The following THAP4 variants were observed in gnomAD, a reference collection of about 807,000 sequenced individuals.
THAP4 encodes the protein THAP domain containing 4, also known as peroxynitrite isomerase THAP4.
In THAP4, 18 loss-of-function variants were observed where a neutral mutation model predicts 48.1. The ratio of observed to expected loss-of-function variants is 0.37; its 90% CI spans 0.26 to 0.56. THAP4 has a LOEUF of 0.56. THAP4 is among the 20% of genes least tolerant of loss of function. The pLI is 0.78. For missense variants in THAP4, 656 were observed against 774.9 expected, an observed-to-expected ratio of 0.85 and a Z score of 1.82; for synonymous variants, 345 against 324.9, an observed-to-expected ratio of 1.06 and a Z score of -0.66.
chr2:241,606,310 T>C lies in THAP4; in HGVS notation c.1400+4A>G. On this transcript the variant is annotated splice_donor_region_variant and intron_variant, in intron 3 of 5. Coordinates refer to ENST00000407315, the MANE Select transcript of THAP4 (RefSeq NM_015963.6). ...GCAGGGTGGGGTGGAGGGAGACAAC[T>C]TACGAGAAGTTCAGCATGGGCTGGC... 2 of 1,550,024 alleles carry C rather than the reference T, an allele frequency of 1.3e-6. No homozygotes were observed. The highest frequency in any genetic ancestry group is 1.7e-6 in the Non-Finnish European group (2 of 1,145,340).
intron 2 of THAP4, among the ~76,000 whole-genome samples, chr2:241,627,144 G>C (rs1317134706): frequency 6.6e-6 from 1 of 152,110 alleles, no homozygotes; most frequent in Non-Finnish European, 1.5e-5. Context: ...CATTAGTGTG[G>C]GTATGTGTGT....
intron 2 of THAP4, among the ~76,000 whole-genome samples, chr2:241,622,695 G>T (rs1300015194): frequency 1.3e-5 from 2 of 152,154 alleles, no homozygotes; most frequent in African/African-American, 4.8e-5. Context: ...AACCTCCGGG[G>T]CTCAAGCGAT....
rs2067594984 is a variant in THAP4, at chr2:241,633,445, A to G, written c.712T>C (p.Tyr238His). 1 of 1,613,668 alleles carries G rather than the reference A, an allele frequency of 6.2e-7. No individual in the cohort carries two copies. The highest frequency in any genetic ancestry group is 1.3e-5 in the African/African-American group (1 of 74,800). Residue 238 changes from tyrosine to histidine, a missense_variant, in exon 2 of 6, where the codon TAC becomes CAC. Physicochemically the swap from Tyr to His is moderately conservative, Grantham distance 83. This residue lies in a region of THAP4 where 391 missense variants were observed against 412.4 expected (regional missense o/e 0.95). Coordinates refer to ENST00000407315, the MANE Select transcript of THAP4 (RefSeq NM_015963.6). This position sits in a 1 kb window ranked among gnomAD's most constrained non-coding sequence, Gnocchi z 7.5. ...ACKFIGSLHS[Y>H]SFSSKHTRER... ...CGGGTGTGCTTAGAGGAGAAACTGT[A>G]CGAATGAAGTGAGCCGATAAATTTG...
At chr2:241,600,455 C>T (rs938413384) in intron 5 of THAP4, among the ~76,000 whole-genome samples, 9 of 152,042 alleles carry the variant, frequency 5.9e-5, no homozygotes, top group African/African-American at 1.9e-4. Context: ...AGGCTGGGCG[C>T]GGTGGCTCAC....
intron 2 of THAP4, among the ~76,000 whole-genome samples, chr2:241,621,578 A>G (rs1021250191): frequency 2.0e-5 from 3 of 152,214 alleles, no homozygotes; most frequent in African/African-American, 4.8e-5. Flanking sequence ...AGATATGTCA[A>G]TAGAAACTTC....
rs956052962 is a variant in THAP4 at position 241,612,140 on chromosome 2, C to T, written c.1241-5667G>A. 2.6e-5 allele frequency among the ~76,000 whole-genome samples: 4 copies of T among 151,126 alleles called. No individual in the cohort carries two copies. Among genetic ancestry groups the T allele is most frequent in the Admixed American group, 6.6e-5 (1 of 15,158 alleles). ...AGGTGAAACATGACCTGGCAGAAGT[C>T]GAGAAAGTAAAAGAAAAAAAATCAA... On this transcript the variant is annotated intron_variant, in intron 2 of 5. Coordinates refer to ENST00000407315, the MANE Select transcript of THAP4 (RefSeq NM_015963.6). The surrounding 1 kb of genome is among the most constrained non-coding windows in gnomAD (Gnocchi z 4.1).
intron 2 of THAP4, among the ~76,000 whole-genome samples, chr2:241,608,865 G>A (rs1195671484): frequency 2.0e-5 from 3 of 152,240 alleles, no homozygotes; most frequent in East Asian, 1.9e-4. Flanking sequence ...GCACAGACCA[G>A]GCAGGGGATC....
Position 241,637,026 on chromosome 2 carries a change from T to C in THAP4, c.-9A>G. On this transcript the variant is annotated 5_prime_UTR_variant, in exon 1 of 6. Transcript: ENST00000407315. Reference sequence around the variant, plus strand: ...GCACAGCAGATCACCATCGCGGGCCTTGGCCCAGCCGCGCAGCCAGGCCCC... The same window carrying C: ...GCACAGCAGATCACCATCGCGGGCCCTGGCCCAGCCGCGCAGCCAGGCCCC... 7.9e-7 allele frequency: 1 copy of C among 1,260,346 alleles called. No homozygotes were observed. Among genetic ancestry groups the C allele is most frequent in the Non-Finnish European group, 1.0e-6 (1 of 978,004 alleles). The allele number at this position is 1,260,346 out of a possible 1,614,324, so 78.1% of individuals were successfully genotyped here.
intron 5 of THAP4, among the ~76,000 whole-genome samples, chr2:241,590,233 C>T (rs1340904039): frequency 4.8e-5 from 7 of 147,074 alleles, no homozygotes; most frequent in African/African-American, 1.8e-4. Context: ...TGATAATGGG[C>T]ACTAGGACAC....
intron 2 of THAP4, among the ~76,000 whole-genome samples, chr2:241,619,375 G>A (rs147554326): frequency 1.3e-5 from 2 of 152,328 alleles, no homozygotes; most frequent in African/African-American, 4.8e-5. Context: ...TGACAAACAC[G>A]TCATGAGGCA....
chr2:241,602,149 C>A, intron 4 of THAP4, 150 bp from the exon 5 acceptor site: 2 of 714,136 alleles, frequency 2.8e-6, no homozygotes, highest in Admixed American at 2.7e-5. Context: ...CCCCACTTCA[C>A]CCTGTGGATA....
At chr2:241,590,713 A>T (rs955876897) in intron 5 of THAP4, among the ~76,000 whole-genome samples, 3 of 150,778 alleles carry the variant, frequency 2.0e-5, no homozygotes, top group Non-Finnish European at 4.4e-5. Flanking sequence ...GGACACACAG[A>T]ACTGCTTGGC....
intron 2 of THAP4, among the ~76,000 whole-genome samples, chr2:241,608,104 A>G (rs1209321379): frequency 6.6e-6 from 1 of 152,142 alleles, no homozygotes; most frequent in Non-Finnish European, 1.5e-5. Context: ...TATAAATTCC[A>G]GGAAGTCTGG....
At chr2:241,622,892 C>T (rs1387667617) in intron 2 of THAP4, among the ~76,000 whole-genome samples, 1 of 152,174 alleles carries the variant, frequency 6.6e-6, no homozygotes, top group East Asian at 1.9e-4. Flanking sequence ...TGAGCCACCT[C>T]ACCTGGCCCT....
intron 5 of THAP4, among the ~76,000 whole-genome samples, chr2:241,598,981 C>G (rs1052030285): frequency 3.3e-5 from 5 of 151,878 alleles, no homozygotes; most frequent in African/African-American, 1.2e-4. Context: ...CGGCTGGGCG[C>G]AGTGGCTCAT....
At chr2:241,631,289 G>A (rs1014531636) in intron 2 of THAP4, among the ~76,000 whole-genome samples, 2 of 152,140 alleles carry the variant, frequency 1.3e-5, no homozygotes, top group Admixed American at 6.6e-5. Flanking sequence ...TATACTTATT[G>A]ACAAGCATTG....
intron 5 of THAP4, among the ~76,000 whole-genome samples, chr2:241,593,697 T>A (rs2067015719): frequency 6.6e-6 from 1 of 152,172 alleles, no homozygotes; most frequent in Non-Finnish European, 1.5e-5. Flanking sequence ...ATTTCATGTA[T>A]TTATTTTGAG....
At chr2:241,598,850 A>G (rs2067080359) in intron 5 of THAP4, among the ~76,000 whole-genome samples, 1 of 152,150 alleles carries the variant, frequency 6.6e-6, no homozygotes, top group Admixed American at 6.5e-5. Flanking sequence ...TCTGAATACA[A>G]TTCTTGGCAT....
At chr2:241,602,930 T>A in intron 4 of THAP4, 40 bp downstream of exon 4, 1 of 1,487,818 alleles carries the variant, frequency 6.7e-7, no homozygotes, top group Non-Finnish European at 9.4e-7. Flanking sequence ...GGCAGCAGCC[T>A]CCCATGGCCA....
Sources: allele counts gnomAD v4.1 joint callset (sites outside exome capture counted in the v4.1 genomes callset), GRCh38; gene constraint gnomAD v4.1.1; regional missense constraint gnomAD v4.1.1; non-coding constraint Gnocchi (gnomAD v3.1); transcripts MANE v1.5; gene names NCBI Gene and HGNC (gene_info 2026-07-23, HGNC 2026-07-21).